UBN1: variants seen among roughly 807,000 people sequenced by gnomAD.
UBN1 encodes ubinuclein 1.
UBN1 carries 17 observed loss-of-function variants against 108.5 expected under a neutral mutation model. The ratio of observed to expected loss-of-function variants is 0.16; its 90% confidence interval spans 0.11 to 0.24. UBN1 has a LOEUF of 0.24. Among genes scored for constraint, UBN1 ranks in the 10% least tolerant of loss-of-function variants. The probability of loss-of-function intolerance (pLI) is 1.00; values close to 1 mark genes in which losing one functional copy is unlikely to be tolerated. For synonymous variants in UBN1, 726 were observed against 564.2 expected, an observed-to-expected ratio of 1.29 and a Z score of -4.07; for missense variants, 1,595 against 1,394.4, an observed-to-expected ratio of 1.14 and a Z score of -2.29.
intron 4 of UBN1, 172 bp from the exon 5 acceptor site, chr16:4,858,853 C>G (rs1386970373): frequency 1.0e-6 from 1 of 999,538 alleles, no homozygotes; most frequent in African/African-American, 1.6e-5. Context: ...AAGTGATGAC[C>G]AGATCTGTCC....
At chr16:4,870,685 C>T (rs540532534) in intron 10 of UBN1, 51 bp downstream of exon 10, 146 of 1,606,990 alleles carry the variant, frequency 9.1e-5, no homozygotes, top group Non-Finnish European at 8.8e-5. Flanking sequence ...TTGCCTCTTC[C>T]CCTCCCGTTT....
intron 17 of UBN1, among the ~76,000 whole-genome samples, chr16:4,878,677 C>A (rs757413027): frequency 5.1e-4 from 78 of 152,256 alleles, no homozygotes; most frequent in Admixed American, 1.3e-3. Flanking sequence ...TCAGGCTGCC[C>A]TGCCTTTGCT....
intron 3 of UBN1, 61 bp from the exon 4 acceptor site, chr16:4,858,507 G>T: frequency 6.7e-7 from 1 of 1,487,024 alleles, no homozygotes; most frequent in East Asian, 2.3e-5. Flanking sequence ...GAAGTTCAAG[G>T]CCACAGTTAA....
At chr16:4,861,362 C>T (rs2087052535) in intron 7 of UBN1, among the ~76,000 whole-genome samples, 1 of 152,188 alleles carries the variant, frequency 6.6e-6, no homozygotes, top group East Asian at 1.9e-4. Context: ...TTTCTGTTTT[C>T]TGTCAGTTTG....
chr16:4,854,096 C>G (rs978054670), intron 2 of UBN1, among the ~76,000 whole-genome samples: 1 of 151,952 alleles, frequency 6.6e-6, no homozygotes, highest in African/African-American at 2.4e-5. Context: ...TGCAGTGGCA[C>G]CATCTTGTCT....
chr16:4,864,550 A>G (rs2087228797), intron 7 of UBN1, among the ~76,000 whole-genome samples: 3 of 152,062 alleles, frequency 2.0e-5, no homozygotes, highest in Admixed American at 6.6e-5. Flanking sequence ...TGATGGCCTT[A>G]CCCTGCCCTC....
Position 4,880,452 on chromosome 16 carries a change from A to G in UBN1, c.*320A>G. On this transcript the variant is annotated 3_prime_UTR_variant, in exon 18 of 18. Transcript: ENST00000262376. ...CAGTGTTTACAGGCTCTGGTGGCAG[A>G]GCAGTTGGCACACCTGTGGGTGAAT... 3.3e-6 allele frequency: 1 copy of G among 306,454 alleles called. No homozygotes were observed. The highest frequency in any genetic ancestry group is 5.0e-5 in the South Asian group (1 of 19,956). The allele number at this position is 306,454 out of a possible 1,614,324, so 19.0% of individuals were successfully genotyped here. A position where few individuals can be genotyped will look rare whatever the true frequency, so the allele number is the denominator to read the frequency against.
At position 4,874,474 on chromosome 16, in the gene UBN1, T is replaced by C. The variant is rs762581390; in HGVS notation, c.2064T>C (p.Ala688=). The change falls in exon 15 of 18, where the codon GCT becomes GCC. Residue 688 remains alanine, a synonymous_variant. Coordinates refer to ENST00000262376, the MANE Select transcript of UBN1 (RefSeq NM_001079514.3). ...TGGCTGCATTGAATAGCAGAGCAGC[T>C]GGGAACTCTGAATTCACACTGCCTG... is the stretch of plus-strand genomic sequence containing the variant. ...KELAALNSRA[A]GNSEFTLPAP... 1 of 1,614,194 alleles carries C rather than the reference T, an allele frequency of 6.2e-7. No homozygotes were observed. Among genetic ancestry groups the C allele is most frequent in the East Asian group, 2.2e-5 (1 of 44,880 alleles).
In UBN1 at chr16:4,847,506, G is replaced by T; in HGVS notation, c.-744G>T. ...GGCTCCTTCCCCCTCCCTTCGGCTC[G>T]TGACAACGAAGCGCCCGCGGTCTGA... On this transcript the variant is annotated 5_prime_UTR_variant, in exon 1 of 18. Coordinates refer to ENST00000262376, the MANE Select transcript of UBN1 (RefSeq NM_001079514.3). The T allele has an allele frequency of 1.9e-6, 1 of 536,134 alleles. No individual in the cohort carries two copies. Among genetic ancestry groups the T allele is most frequent in the Non-Finnish European group, 3.2e-6 (1 of 316,610 alleles). The allele number at this position is 536,134 out of a possible 1,614,324, so 33.2% of individuals were successfully genotyped here.
chr16:4,857,646 G>C (rs2086876289), intron 2 of UBN1, among the ~76,000 whole-genome samples: 1 of 152,140 alleles, frequency 6.6e-6, no homozygotes, highest in South Asian at 2.1e-4. Context: ...TTAAATGCCT[G>C]AAGAAAATTT....
At chr16:4,873,942 A>G (rs1159775772) in intron 14 of UBN1, among the ~76,000 whole-genome samples, 1 of 152,190 alleles carries the variant, frequency 6.6e-6, no homozygotes, top group Non-Finnish European at 1.5e-5. Context: ...AACAGAAGAA[A>G]GTTTCTCCTG....
chr16:4,860,250 C>T (rs974332300), intron 6 of UBN1, among the ~76,000 whole-genome samples: 2 of 152,216 alleles, frequency 1.3e-5, no homozygotes, highest in Non-Finnish European at 2.9e-5. Context: ...CTCCTTCTGT[C>T]TCCGCTGTTT....
At chr16:4,853,195 C>T (rs746813909) in intron 2 of UBN1, 29 bp downstream of exon 2, 1 of 1,611,176 alleles carries the variant, frequency 6.2e-7, no homozygotes, top group South Asian at 1.1e-5. Context: ...AGAGGCGCTG[C>T]AGGTTTAACG....
rs140605207 is a variant in UBN1, at chr16:4,860,987, T to A, written c.995T>A (p.Met332Lys). The A allele has an allele frequency of 3.1e-6, 5 of 1,614,184 alleles. No individual in the cohort carries two copies. The highest frequency in any genetic ancestry group is 1.6e-4 in the Middle Eastern group (1 of 6,062). ...CCAGAAGGAAGTCCCTTCCGAGATA[T>A]GGATGATGGAAGTGATTCCCTTGGG... ...ESPEGSPFRDMDDGSDSLGVG... is the reference protein window; with the variant it reads ...ESPEGSPFRDKDDGSDSLGVG... Residue 332 changes from methionine (M) to lysine (K), a missense_variant, in exon 7 of 18, where the codon ATG becomes AAG. Met to Lys is a moderately conservative substitution (Grantham distance 95). This residue lies in a region of UBN1 where 1,398 missense variants were observed against 1,194.7 expected (regional missense o/e 1.17). Coordinates refer to ENST00000262376, the MANE Select transcript of UBN1 (RefSeq NM_001079514.3).
intron 8 of UBN1, among the ~76,000 whole-genome samples, chr16:4,869,522 G>C (rs1178248446): frequency 6.6e-6 from 1 of 152,236 alleles, no homozygotes; most frequent in African/African-American, 2.4e-5. Flanking sequence ...GTTTGTGGCA[G>C]GGGAAGCTTG....
At chr16:4,871,437 C>T (rs985528364) in intron 12 of UBN1, 136 bp downstream of exon 12, 7 of 1,248,776 alleles carry the variant, frequency 5.6e-6, no homozygotes, top group Non-Finnish European at 7.5e-6. Flanking sequence ...ACCTGAGTAA[C>T]TGGGGGACAT....
rs1278829323 is a variant in UBN1 at position 4,874,772 on chromosome 16, C to G, written c.2362C>G (p.Arg788Gly). 4.3e-6 allele frequency: 7 copies of G among 1,614,086 alleles called. No individual in the cohort carries two copies. The highest frequency in any genetic ancestry group is 5.9e-6 in the Non-Finnish European group (7 of 1,180,036). ...QSKAKHHSLP[R>G]TSHGPQVAVP... ...CAAAGCTAAGCACCACAGCTTGCCA[C>G]GGACGTCTCACGGGCCCCAAGTGGC... Residue 788 changes from arginine (R) to glycine (G), a missense_variant, in exon 15 of 18, where the codon CGG becomes GGG. By Grantham distance (125) the Arg-to-Gly change is moderately radical. Coordinates refer to ENST00000262376, the MANE Select transcript of UBN1 (RefSeq NM_001079514.3).
chr16:4,858,387 A>G (rs748597021), intron 3 of UBN1, among the ~76,000 whole-genome samples, 181 bp from the exon 4 acceptor site: 1 of 152,204 alleles, frequency 6.6e-6, no homozygotes, highest in Non-Finnish European at 1.5e-5. Flanking sequence ...ATACAGGTAC[A>G]AATATGTTCT....
intron 8 of UBN1, 152 bp downstream of exon 8, chr16:4,869,055 G>T: frequency 1.3e-6 from 1 of 764,290 alleles, no homozygotes; most frequent in Non-Finnish European, 2.0e-6. Context: ...TGGTTTCATT[G>T]TTATTTTTCT....
Sources: gnomAD v4.1 joint callset for allele counts (sites outside exome capture counted in the v4.1 genomes callset) on GRCh38, gnomAD v4.1.1 for gene constraint, gnomAD v4.1.1 regional missense constraint, MANE v1.5 for transcripts, NCBI Gene and HGNC (gene_info 2026-07-23, HGNC 2026-07-21) for gene names.